The following JAZF1 variants were observed in gnomAD, a reference collection of about 807,000 sequenced individuals.
JAZF1 encodes juxtaposed with another zinc finger protein 1.
Under a neutral mutation model 26.4 loss-of-function variants are expected in JAZF1, and 8 were observed. That is an observed-to-expected ratio of 0.30 (90% CI 0.18 to 0.55). The LOEUF is 0.55. JAZF1 is among the 20% of genes least tolerant of loss of function. The pLI is 0.94. For missense variants in JAZF1, 199 were observed against 322.0 expected (o/e 0.62, Z 2.92); for synonymous variants, 126 against 122.3 (o/e 1.03, Z -0.20).
chr7:27,962,906 T>C (rs769382783), intron 2 of JAZF1, among the ~76,000 whole-genome samples: 4 of 152,224 alleles, frequency 2.6e-5, no homozygotes, highest in Non-Finnish European at 5.9e-5. Flanking sequence ...CAAATCTTTT[T>C]TGTCCTTGTT....
chr7:27,978,751 T>C (rs929823964), intron 2 of JAZF1, among the ~76,000 whole-genome samples: 1 of 152,210 alleles, frequency 6.6e-6, no homozygotes, highest in Non-Finnish European at 1.5e-5. Flanking sequence ...CATATCAGCA[T>C]AGCAGAGGAT....
rs540152574 is a variant in JAZF1, at chr7:27,921,809, A to T, written c.189-26393T>A. ...TGCTTTGGGAGTCCGAGGTGGTAGGACTGCTCGAGACCAGGAGTTCAAGAT... is the reference window on the plus strand; with the variant it reads ...TGCTTTGGGAGTCCGAGGTGGTAGGTCTGCTCGAGACCAGGAGTTCAAGAT... On this transcript the variant is annotated intron_variant, in intron 2 of 4. Transcript: ENST00000283928. 5.3e-5 allele frequency among the ~76,000 whole-genome samples: 8 copies of T among 152,308 alleles called. No individual in the cohort carries two copies. In the East Asian group the frequency reaches 9.6e-4, roughly 18 times the overall value.
intron 1 of JAZF1, among the ~76,000 whole-genome samples, chr7:28,120,509 T>TTTTTTTTTTTG (rs1782584492): frequency 1.2e-5 from 1 of 83,920 alleles, no homozygotes; most frequent in African/African-American, 6.5e-5. Context: ...TTCTTTTTTT[T>TTTTTTTTTTTG]TTTTTTTTTT....
intron 2 of JAZF1, among the ~76,000 whole-genome samples, chr7:27,920,161 A>G (rs1056708928): frequency 4.6e-5 from 7 of 152,202 alleles, no homozygotes; most frequent in Non-Finnish European, 1.0e-4. Context: ...GCGTTCCTTA[A>G]AACTTCAGCT....
At chr7:28,014,702 G>A (rs1181073918) in intron 1 of JAZF1, among the ~76,000 whole-genome samples, 1 of 152,184 alleles carries the variant, frequency 6.6e-6, no homozygotes, top group Non-Finnish European at 1.5e-5. Context: ...TTTAACAGCA[G>A]CACGGAAACA....
At chr7:27,947,532 T>C (rs1784939088) in intron 2 of JAZF1, among the ~76,000 whole-genome samples, 1 of 152,262 alleles carries the variant, frequency 6.6e-6, no homozygotes, top group Non-Finnish European at 1.5e-5. Flanking sequence ...TCTGCTTTCA[T>C]GCAGCATTTA....
At chr7:28,128,977 G>A (rs1782746811) in intron 1 of JAZF1, among the ~76,000 whole-genome samples, 1 of 152,094 alleles carries the variant, frequency 6.6e-6, no homozygotes, top group Admixed American at 6.5e-5. Context: ...TATCCTTTAG[G>A]AAACTTAAGT....
intron 1 of JAZF1, among the ~76,000 whole-genome samples, chr7:28,158,413 G>T (rs927562841): frequency 6.6e-6 from 1 of 152,192 alleles, no homozygotes; most frequent in Non-Finnish European, 1.5e-5. Context: ...GCTAACGAAA[G>T]GGGAAGAGAA....
At chr7:27,886,579 C>A (rs894631562) in intron 3 of JAZF1, among the ~76,000 whole-genome samples, 2 of 152,158 alleles carry the variant, frequency 1.3e-5, no homozygotes, top group African/African-American at 2.4e-5. Flanking sequence ...ATTGAAACAG[C>A]GTAGAATGAC....
At chr7:27,945,570 C>T (rs1287639764) in intron 2 of JAZF1, among the ~76,000 whole-genome samples, 1 of 152,162 alleles carries the variant, frequency 6.6e-6, no homozygotes, top group Non-Finnish European at 1.5e-5. Context: ...TGATTTTCTC[C>T]AGACCAGCAA....
At chr7:28,029,096 T>C (rs1334797752) in intron 1 of JAZF1, among the ~76,000 whole-genome samples, 1 of 152,122 alleles carries the variant, frequency 6.6e-6, no homozygotes, top group Non-Finnish European at 1.5e-5. Flanking sequence ...CCTTGAAGTT[T>C]TTCACTTCTA....
intron 3 of JAZF1, among the ~76,000 whole-genome samples, chr7:27,851,598 T>C (rs986118140): frequency 6.6e-6 from 1 of 152,044 alleles, no homozygotes; most frequent in Non-Finnish European, 1.5e-5. Context: ...TGTGATAAGT[T>C]CGGGAAGATC....
chr7:27,926,336 C>A (rs1340003163), intron 2 of JAZF1, among the ~76,000 whole-genome samples: 2 of 152,170 alleles, frequency 1.3e-5, no homozygotes, highest in Admixed American at 1.3e-4. Flanking sequence ...ACTGGCAGGA[C>A]ATACCTTCAA....
chr7:28,039,761 CG>C (rs1175873268), intron 1 of JAZF1, among the ~76,000 whole-genome samples: 1 of 151,968 alleles, frequency 6.6e-6, no homozygotes, highest in Non-Finnish European at 1.5e-5. Flanking sequence ...TAAAATTCAA[CG>C]TGTATATGTC....
At chr7:28,110,592 A>AAAAGG (rs141903606) in intron 1 of JAZF1, among the ~76,000 whole-genome samples, 1,377 of 124,948 alleles carry the variant, frequency 0.011, 84 homozygotes, top group African/African-American at 0.038. Flanking sequence ...AAGGAAAAGG[A>AAAAGG]AAAGGAAAAG....
chr7:27,877,852 C>T (rs557537727), intron 3 of JAZF1, among the ~76,000 whole-genome samples: 1 of 152,282 alleles, frequency 6.6e-6, no homozygotes, highest in African/African-American at 2.4e-5. Flanking sequence ...GGGTGTGGCA[C>T]CTTCTCCACC....
At chr7:28,126,049 A>C (rs930278435) in intron 1 of JAZF1, among the ~76,000 whole-genome samples, 1 of 152,158 alleles carries the variant, frequency 6.6e-6, no homozygotes, top group Admixed American at 6.5e-5. Flanking sequence ...CCTCAGCTAT[A>C]CCCTGGCCTT....
chr7:28,131,017 A>G (rs945301088), intron 1 of JAZF1, among the ~76,000 whole-genome samples: 1 of 152,192 alleles, frequency 6.6e-6, no homozygotes, highest in African/African-American at 2.4e-5. Context: ...TCTGAGAATT[A>G]TTGGGCATGG....
At chr7:28,019,781 A>T (rs1782971810) in intron 1 of JAZF1, among the ~76,000 whole-genome samples, 1 of 152,082 alleles carries the variant, frequency 6.6e-6, no homozygotes, top group South Asian at 2.1e-4. Flanking sequence ...TTGCTTTATG[A>T]TAGAGACAAG....
Sources: allele counts gnomAD v4.1 joint callset (sites outside exome capture counted in the v4.1 genomes callset), GRCh38; gene constraint gnomAD v4.1.1; transcripts MANE v1.5; gene names NCBI Gene and HGNC (gene_info 2026-07-23, HGNC 2026-07-21).